Variants in CPSF6 observed in about 807,000 individuals in gnomAD.
CPSF6 encodes the protein cleavage and polyadenylation specific factor 6, also known as cleavage and polyadenylation specificity factor subunit 6.
Under a neutral mutation model 56.7 loss-of-function variants are expected in CPSF6, and 10 were observed. That is an observed-to-expected ratio of 0.18 (90% CI 0.11 to 0.30). The LOEUF (loss-of-function observed/expected upper bound fraction) is 0.30, where lower values mean the gene tolerates loss of function less well. Among genes scored for constraint, CPSF6 ranks in the 10% least tolerant of loss-of-function variants. The probability of loss-of-function intolerance (pLI) is 1.00; values close to 1 mark genes in which losing one functional copy is unlikely to be tolerated. For missense variants in CPSF6, 419 were observed against 722.9 expected, an observed-to-expected ratio of 0.58 and a Z score of 4.82; for synonymous variants, 248 against 244.8, an observed-to-expected ratio of 1.01 and a Z score of -0.12.
intron 1 of CPSF6, among the ~76,000 whole-genome samples, chr12:69,245,327 T>C (rs1344132539): frequency 5.3e-5 from 8 of 152,214 alleles, no homozygotes; most frequent in Non-Finnish European, 7.3e-5. Flanking sequence ...AGCTCCATTA[T>C]AATCTGACCA....
intron 1 of CPSF6, among the ~76,000 whole-genome samples, chr12:69,247,024 A>G (rs1871944107): frequency 6.6e-6 from 1 of 152,212 alleles, no homozygotes; most frequent in Non-Finnish European, 1.5e-5. Context: ...GTCAGGGAGA[A>G]TGATGAATAT....
At chr12:69,245,381 T>G (rs1334855575) in intron 1 of CPSF6, among the ~76,000 whole-genome samples, 2 of 152,206 alleles carry the variant, frequency 1.3e-5, no homozygotes, top group Non-Finnish European at 2.9e-5. Context: ...TGTTCTCTTT[T>G]ATTAGTTATT....
At chr12:69,261,791 C>T (rs1001180854) in intron 8 of CPSF6, among the ~76,000 whole-genome samples, 3 of 152,248 alleles carry the variant, frequency 2.0e-5, no homozygotes, top group African/African-American at 7.2e-5. Flanking sequence ...TGAAACATTT[C>T]TACTTATTAA....
chr12:69,243,849 T>C (rs971214814), intron 1 of CPSF6, among the ~76,000 whole-genome samples: 6 of 152,212 alleles, frequency 3.9e-5, no homozygotes, highest in African/African-American at 1.2e-4. Context: ...ATGTTTTCAC[T>C]TGATTGATTA....
At chr12:69,245,389 ATT>A (rs1305773544) in intron 1 of CPSF6, among the ~76,000 whole-genome samples, 1 of 152,102 alleles carries the variant, frequency 6.6e-6, no homozygotes, top group African/African-American at 2.4e-5. Context: ...TTTATTAGTT[ATT>A]TTTTACAGTG....
Position 69,253,340 on chromosome 12 carries a change from C to G in CPSF6, c.374+186C>G, listed in dbSNP as rs115875896. 3.5e-3 allele frequency among the ~76,000 whole-genome samples: 531 copies of G among 152,136 alleles called. 1 individual carries two copies. The highest frequency in any genetic ancestry group is 0.012 in the African/African-American group (492 of 41,528). On this transcript the variant is annotated intron_variant, in intron 3 of 9. Transcript: ENST00000435070. Reference sequence around the variant, plus strand: ...CTTTTCATTTTACGTACCCTATTACCTAACACACTAAAACCAGTAGAGTGG... The same window carrying G: ...CTTTTCATTTTACGTACCCTATTACGTAACACACTAAAACCAGTAGAGTGG...
At chr12:69,245,079 G>A (rs1391327813) in intron 1 of CPSF6, among the ~76,000 whole-genome samples, 15 of 139,202 alleles carry the variant, frequency 1.1e-4, no homozygotes, top group Admixed American at 8.2e-4. Flanking sequence ...CCAACATGTC[G>A]AAACTCCGTC....
intron 2 of CPSF6, among the ~76,000 whole-genome samples, chr12:69,252,530 T>A (rs1872301040): frequency 1.3e-5 from 2 of 152,306 alleles, no homozygotes; most frequent in Middle Eastern, 3.4e-3. Context: ...TGTGACCTTG[T>A]TAAAGAGTTA....
chr12:69,240,532 C>A (rs527675363), intron 1 of CPSF6, among the ~76,000 whole-genome samples: 1 of 152,196 alleles, frequency 6.6e-6, no homozygotes, highest in Admixed American at 6.5e-5. Context: ...GAATTGGAAG[C>A]GCGATGGTTG....
In CPSF6 at chr12:69,254,183, TAA is replaced by T. The variant is rs35061726; in HGVS notation, c.374+1038_374+1039del. The stretch of plus-strand genomic sequence containing the variant: ...TCTGTACTCCACATAACAGAAGTTC[TAA>T]AAAAAAAATGACATTCTGCTCAATC... On this transcript the variant is annotated intron_variant, in intron 3 of 9. Transcript: ENST00000435070. 3.2e-3 allele frequency among the ~76,000 whole-genome samples: 489 copies of T among 151,106 alleles called. 2 individuals carry two copies. The highest frequency in any genetic ancestry group is 0.01 in the African/African-American group (422 of 41,264).
intron 2 of CPSF6, chr12:69,252,273 A>T (rs1218599410): frequency 6.2e-6 from 2 of 320,892 alleles, no homozygotes; most frequent in South Asian, 2.5e-5. Context: ...TGTAGAGCTG[A>T]CTTCTTGCTA....
At chr12:69,244,291 A>G (rs1871775588) in intron 1 of CPSF6, among the ~76,000 whole-genome samples, 1 of 152,096 alleles carries the variant, frequency 6.6e-6, no homozygotes, top group Non-Finnish European at 1.5e-5. Context: ...GCTGAAGTGC[A>G]GTGGCGCGAT....
chr12:69,240,372 C>G (rs1871550078), intron 1 of CPSF6, among the ~76,000 whole-genome samples: 2 of 152,200 alleles, frequency 1.3e-5, no homozygotes, highest in African/African-American at 4.8e-5. Flanking sequence ...TCATTTGCAA[C>G]AAGTCCTTTG....
intron 9 of CPSF6, among the ~76,000 whole-genome samples, chr12:69,266,287 G>A (rs1444628572): frequency 6.6e-6 from 1 of 152,054 alleles, no homozygotes; most frequent in Non-Finnish European, 1.5e-5. Flanking sequence ...ATGTATGCTA[G>A]CTTTCATTGC....
intron 3 of CPSF6, 93 bp downstream of exon 3, chr12:69,253,247 T>A (rs1872337626): frequency 1.7e-6 from 1 of 598,084 alleles, no homozygotes; most frequent in African/African-American, 1.9e-5. Context: ...ATTACACATG[T>A]ATACACATGT....
Position 69,258,168 on chromosome 12 carries a change from G to C in CPSF6, c.694+263G>C. Reference sequence around the variant, plus strand: ...AAGGTCTTTATTTTTCTCCAAACTTGCTTGACTTATATATAGAATATTTAC... The same window carrying C: ...AAGGTCTTTATTTTTCTCCAAACTTCCTTGACTTATATATAGAATATTTAC... On this transcript the variant is annotated intron_variant, in intron 5 of 9. Transcript: ENST00000435070. The surrounding 1 kb of genome is among the most constrained non-coding windows in gnomAD (Gnocchi z 4.2). 1.6e-6 allele frequency: 2 copies of C among 1,282,192 alleles called. No homozygotes were observed. The highest frequency in any genetic ancestry group is 1.5e-5 in the African/African-American group (1 of 67,564). 79.4% of individuals were successfully genotyped at this position (1,282,192 alleles called of 1,614,324 possible).
At chr12:69,253,966 ATTTC>A (rs1428706037) in intron 3 of CPSF6, among the ~76,000 whole-genome samples, 1 of 152,070 alleles carries the variant, frequency 6.6e-6, no homozygotes, top group East Asian at 1.9e-4. Context: ...GAATTTTCTT[ATTTC>A]TTATATTGCT....
rs1050386831 is a variant in CPSF6, at chr12:69,272,157, T to TG, written c.*2649_*2650insG. On this transcript the variant is annotated 3_prime_UTR_variant, in exon 10 of 10. Coordinates refer to ENST00000435070, the MANE Select transcript of CPSF6 (RefSeq NM_007007.3). Reference sequence around the variant, plus strand: ...CCAGTGTAAATTTGCAGATGTGTGTTTTTTTTTTTTGTCACTTTTCATAAG... The same window carrying TG: ...CCAGTGTAAATTTGCAGATGTGTGTTGTTTTTTTTTTGTCACTTTTCATAAG... The TG allele has an allele frequency of 3.3e-5, 5 of 149,504 alleles. No individual in the cohort carries two copies. Among genetic ancestry groups the TG allele is most frequent in the South Asian group, 2.1e-4 (1 of 4,766 alleles). The allele number at this position is 149,504 out of a possible 1,614,324, so 9.3% of individuals were successfully genotyped here.
chr12:69,249,167 G>T (rs796415749), intron 1 of CPSF6, among the ~76,000 whole-genome samples: 1 of 80,004 alleles, frequency 1.2e-5, no homozygotes, highest in African/African-American at 4.8e-5. Flanking sequence ...GGGGGGGGGG[G>T]GGCTGAGGCA....
Sources: allele counts gnomAD v4.1 joint callset (sites outside exome capture counted in the v4.1 genomes callset), GRCh38; gene constraint gnomAD v4.1.1; non-coding constraint Gnocchi (gnomAD v3.1); transcripts MANE v1.5; gene names NCBI Gene and HGNC (gene_info 2026-07-23, HGNC 2026-07-21).